Variants in CCSER1 observed in about 807,000 individuals in gnomAD.
CCSER1 encodes serine-rich coiled-coil domain-containing protein 1.
In CCSER1, 41 loss-of-function variants were observed where a neutral mutation model predicts 82.0. That is an observed-to-expected ratio of 0.50 (90% CI 0.39 to 0.65). The LOEUF (loss-of-function observed/expected upper bound fraction) is 0.65. Ranked by LOEUF, CCSER1 falls within the 30% of genes least tolerant of loss-of-function variation. The pLI, the probability that CCSER1 is intolerant of heterozygous loss-of-function variation, is 0.00. For synonymous variants in CCSER1, 414 were observed against 383.9 expected, an observed-to-expected ratio of 1.08 and a Z score of -0.92; for missense variants, 1,119 against 1,064.2, an observed-to-expected ratio of 1.05 and a Z score of -0.72.
intron 10 of CCSER1, among the ~76,000 whole-genome samples, chr4:91,334,939 TCA>T (rs1385074816): frequency 6.6e-6 from 1 of 152,112 alleles, no homozygotes; most frequent in Non-Finnish European, 1.5e-5. Context: ...AAAAAAATCT[TCA>T]GTGTTTGTGT....
At chr4:90,158,659 G>A (rs898518355) in intron 1 of CCSER1, among the ~76,000 whole-genome samples, 42 of 152,302 alleles carry the variant, frequency 2.8e-4, no homozygotes, top group Middle Eastern at 3.4e-3. Flanking sequence ...GTGAGACTCC[G>A]TGGGCGTAGG....
chr4:90,329,079 TG>T (rs1348308333), intron 3 of CCSER1, among the ~76,000 whole-genome samples: 1 of 152,200 alleles, frequency 6.6e-6, no homozygotes, highest in East Asian at 1.9e-4. Flanking sequence ...TTATGAAACT[TG>T]TCTGAAATAA....
In CCSER1 at chr4:90,843,806, C is replaced by T. The variant is rs572781517; in HGVS notation, c.2094+27961C>T. ...GTGCTAGTTATATTCCCTCCTTGGG[C>T]ATAAAATCTATGTGTTGTTGTCAGT... On this transcript the variant is annotated intron_variant, in intron 8 of 10. Transcript: ENST00000509176. Among the ~76,000 whole-genome samples, 7 of 152,214 alleles carry T rather than the reference C, an allele frequency of 4.6e-5. No individual in the cohort carries two copies. In the East Asian group the frequency reaches 1.2e-3, roughly 25 times the overall value.
chr4:91,409,901 C>T (rs539696126), intron 10 of CCSER1, among the ~76,000 whole-genome samples: 19 of 152,236 alleles, frequency 1.2e-4, no homozygotes, highest in African/African-American at 4.3e-4. Flanking sequence ...AGGCTGGTCT[C>T]GAACTCCCGA....
At chr4:90,471,442 A>T (rs1469261615) in intron 5 of CCSER1, among the ~76,000 whole-genome samples, 2 of 152,132 alleles carry the variant, frequency 1.3e-5, no homozygotes, top group African/African-American at 4.8e-5. Context: ...TCTCTAAAAG[A>T]AATAATAAAT....
intron 10 of CCSER1, among the ~76,000 whole-genome samples, chr4:91,576,896 A>G (rs1405051466): frequency 6.6e-6 from 1 of 151,980 alleles, no homozygotes; most frequent in Non-Finnish European, 1.5e-5. Context: ...ATGTGAGGTG[A>G]TGGATATAAT....
chr4:90,930,599 A>G (rs1237605821), intron 9 of CCSER1, among the ~76,000 whole-genome samples: 1 of 151,568 alleles, frequency 6.6e-6, no homozygotes, highest in Non-Finnish European at 1.5e-5. Flanking sequence ...GGAGACAGAG[A>G]GAGACTCTGT....
chr4:91,395,677 A>G (rs1326557140), intron 10 of CCSER1, among the ~76,000 whole-genome samples: 2 of 151,912 alleles, frequency 1.3e-5, no homozygotes, highest in Admixed American at 1.3e-4. Context: ...TTTTTATATC[A>G]CAGGAATCTT....
At chr4:91,589,574 C>CTTTTTTTTTTT (rs11411865) in intron 10 of CCSER1, among the ~76,000 whole-genome samples, 1 of 144,610 alleles carries the variant, frequency 6.9e-6, no homozygotes, top group Non-Finnish European at 1.5e-5. Context: ...ACAAGAGGCT[C>CTTTTTTTTTTT]TTTTTTTTTT....
At chr4:90,859,967 T>A (rs1157802714) in intron 8 of CCSER1, among the ~76,000 whole-genome samples, 1 of 151,670 alleles carries the variant, frequency 6.6e-6, no homozygotes, top group Non-Finnish European at 1.5e-5. Flanking sequence ...CAGATTTGAA[T>A]TTGAACAATA....
At chr4:90,776,320 ACAGAATAATT>A (rs2149587857) in intron 7 of CCSER1, among the ~76,000 whole-genome samples, 1 of 152,320 alleles carries the variant, frequency 6.6e-6, no homozygotes, top group Admixed American at 6.5e-5. Context: ...GTGTTGCTGA[ACAGAATAATT>A]TTGAATTTAA....
intron 10 of CCSER1, among the ~76,000 whole-genome samples, chr4:91,110,781 T>G (rs529539152): frequency 1.3e-5 from 2 of 152,104 alleles, no homozygotes; most frequent in African/African-American, 4.8e-5. Flanking sequence ...TTTAAGATCA[T>G]TAAGAGTTGG....
intron 3 of CCSER1, among the ~76,000 whole-genome samples, chr4:90,314,357 G>C (rs1037664359): frequency 3.3e-5 from 5 of 152,074 alleles, no homozygotes; most frequent in Admixed American, 6.6e-5. Context: ...ATTTCCAATT[G>C]ATGCACCATT....
At chr4:91,489,885 CAACTCTATAGCAAAA>C (rs1270705771) in intron 10 of CCSER1, among the ~76,000 whole-genome samples, 5 of 152,128 alleles carry the variant, frequency 3.3e-5, no homozygotes, top group Admixed American at 2.0e-4. Context: ...GGACCTCAAA[CAACTCTATAGCAAAA>C]AACTCTTATA....
chr4:90,187,981 C>T (rs1343600665), intron 1 of CCSER1, among the ~76,000 whole-genome samples: 1 of 151,896 alleles, frequency 6.6e-6, no homozygotes, highest in Non-Finnish European at 1.5e-5. Context: ...AGACTGAAAA[C>T]CATGGCTGAA....
intron 8 of CCSER1, among the ~76,000 whole-genome samples, chr4:90,867,803 C>T (rs1005145246): frequency 2.0e-5 from 3 of 151,978 alleles, no homozygotes; most frequent in African/African-American, 7.2e-5. Flanking sequence ...CAAAATTTGA[C>T]TTTCTGTACC....
At chr4:91,548,531 C>T (rs1185811596) in intron 10 of CCSER1, among the ~76,000 whole-genome samples, 1 of 150,348 alleles carries the variant, frequency 6.7e-6, no homozygotes, top group Non-Finnish European at 1.5e-5. Flanking sequence ...CATTTTTTTG[C>T]TAGGTAAGTC....
chr4:90,453,972 T>C (rs1344004608), intron 4 of CCSER1, among the ~76,000 whole-genome samples: 1 of 152,184 alleles, frequency 6.6e-6, no homozygotes, highest in Non-Finnish European at 1.5e-5. Flanking sequence ...CCCTGGGATG[T>C]GTGAGTCCTG....
chr4:90,997,621 T>C (rs1040734383), intron 9 of CCSER1, among the ~76,000 whole-genome samples: 3 of 152,194 alleles, frequency 2.0e-5, no homozygotes, highest in Admixed American at 6.5e-5. Flanking sequence ...TTTATGATTG[T>C]CAGCTTCCTG....
Sources: allele counts gnomAD v4.1 joint callset (sites outside exome capture counted in the v4.1 genomes callset), GRCh38; gene constraint gnomAD v4.1.1; transcripts MANE v1.5; gene names NCBI Gene and HGNC (gene_info 2026-07-23, HGNC 2026-07-21).